Variants in LAMA2 observed in about 807,000 individuals in gnomAD.
LAMA2 encodes the protein laminin subunit alpha-2.
Under a neutral mutation model 364.8 loss-of-function variants are expected in LAMA2, and 269 were observed. That is an observed-to-expected ratio of 0.74 (90% CI 0.67 to 0.82). The LOEUF (loss-of-function observed/expected upper bound fraction) is 0.82. Among genes scored for constraint, LAMA2 ranks in the 40% least tolerant of loss-of-function variants. The pLI, the probability that LAMA2 is intolerant of heterozygous loss-of-function variation, is 0.00. For missense variants in LAMA2, 3,807 were observed against 3,873.2 expected, an observed-to-expected ratio of 0.98 and a Z score of 0.45; for synonymous variants, 1,379 against 1,370.6, an observed-to-expected ratio of 1.01 and a Z score of -0.14.
chr6:129,097,852 A>G (rs946684187), intron 3 of LAMA2, among the ~76,000 whole-genome samples: 6 of 152,222 alleles, frequency 3.9e-5, no homozygotes, highest in Non-Finnish European at 8.8e-5. Context: ...GTAAATTGGT[A>G]TGTACTATTA....
At chr6:129,194,800 A>G (rs575561977) in intron 12 of LAMA2, among the ~76,000 whole-genome samples, 25 of 152,220 alleles carry the variant, frequency 1.6e-4, no homozygotes, top group Non-Finnish European at 3.2e-4. Context: ...TTACCACAGT[A>G]CATCTTAACT....
rs757635528 is a variant in LAMA2 at position 129,143,941 on chromosome 6, A to G, written c.680A>G (p.Asp227Gly). 9.3e-6 allele frequency: 15 copies of G among 1,611,326 alleles called. No individual in the cohort carries two copies. In the East Asian group the frequency reaches 3.3e-4, roughly 36 times the overall value. ...SLINGRPSAD[D>G]PSPELLEFTS... is the part of the protein sequence containing the mutation. ...ATCAATGGGAGACCAAGTGCCGATG[A>G]TCCTTCTCCAGAACTGCTAGAATTT... The change falls in exon 5 of 65, where the codon GAT becomes GGT. Residue 227 changes from aspartate (D) to glycine (G), a missense_variant. Asp to Gly is a moderately conservative substitution (Grantham distance 94, BLOSUM62 -1). Transcript: ENST00000421865.
At position 129,486,568 on chromosome 6, in the gene LAMA2, C is replaced by CA; in HGVS notation, c.7844_7845insA (p.Asn2616GlufsTer5). The CA allele has an allele frequency of 6.2e-7, 1 of 1,613,928 alleles. No individual in the cohort carries two copies. Among genetic ancestry groups the CA allele is most frequent in the African/African-American group, 1.3e-5 (1 of 75,020 alleles). On this transcript the variant is annotated frameshift_variant, in exon 56 of 65. Transcript: ENST00000421865. LOFTEE classifies it high-confidence loss of function. ...AGGAAAATTGTGATCAGACCAGAGCCGAATCTGTTTCATGATGGAAGAGAA... is the reference window on the plus strand; with the variant it reads ...AGGAAAATTGTGATCAGACCAGAGCCAGAATCTGTTTCATGATGGAAGAGAA...
At chr6:129,376,802 A>G (rs991199559) in intron 34 of LAMA2, among the ~76,000 whole-genome samples, 3 of 152,084 alleles carry the variant, frequency 2.0e-5, no homozygotes, top group African/African-American at 7.2e-5. Context: ...ATCTTATACC[A>G]CTATTTTTCC....
chr6:128,896,851 C>T (rs1208863658), intron 1 of LAMA2, among the ~76,000 whole-genome samples: 1 of 152,088 alleles, frequency 6.6e-6, no homozygotes, highest in African/African-American at 2.4e-5. Context: ...ATCTGCTGAC[C>T]TCCTTTTTGA....
rs771891309 is a variant in LAMA2, at chr6:129,353,294, G to A, written c.4654G>A (p.Ala1552Thr). Reference sequence around the variant, plus strand: ...AGGATTCTGCACGTGCCGACCTGGAGCCACGGGAAGGAAGTGTGACGGCTG... The same window carrying A: ...AGGATTCTGCACGTGCCGACCTGGAACCACGGGAAGGAAGTGTGACGGCTG... ...VTGFCTCRPG[A>T]TGRKCDGCKH... Residue 1552 changes from alanine to threonine, a missense_variant, in exon 32 of 65, where the codon GCC becomes ACC. Ala to Thr is a moderately conservative substitution (Grantham distance 58). This residue lies in a region of LAMA2 where 3,333 missense variants were observed against 3,345.7 expected (regional missense o/e 1.00). Coordinates refer to ENST00000421865, the MANE Select transcript of LAMA2 (RefSeq NM_000426.4). The A allele has an allele frequency of 5.6e-6, 9 of 1,614,124 alleles. No homozygotes were observed. Among genetic ancestry groups the A allele is most frequent in the Non-Finnish European group, 7.6e-6 (9 of 1,179,992 alleles).
intron 20 of LAMA2, among the ~76,000 whole-genome samples, chr6:129,293,901 A>G (rs1789895148): frequency 6.6e-6 from 1 of 152,244 alleles, no homozygotes; most frequent in Non-Finnish European, 1.5e-5. Context: ...GCCTTAGATC[A>G]AATCCTGGCC....
intron 41 of LAMA2, among the ~76,000 whole-genome samples, chr6:129,431,305 A>T (rs1781579589): frequency 6.6e-6 from 1 of 150,500 alleles, no homozygotes; most frequent in African/African-American, 2.4e-5. Flanking sequence ...AGGCTGAGGT[A>T]GGAGAATTGC....
chr6:129,057,796 G>T (rs1313441730), intron 2 of LAMA2, among the ~76,000 whole-genome samples: 1 of 152,128 alleles, frequency 6.6e-6, no homozygotes, highest in Non-Finnish European at 1.5e-5. Context: ...GCAATATTAG[G>T]TAGGCAAATT....
intron 34 of LAMA2, among the ~76,000 whole-genome samples, chr6:129,382,914 C>A (rs1441696082): frequency 6.6e-6 from 1 of 152,192 alleles, no homozygotes; most frequent in Non-Finnish European, 1.5e-5. Flanking sequence ...CCAAATACAG[C>A]TCTCTGATTT....
intron 49 of LAMA2, 63 bp from the exon 50 acceptor site, chr6:129,464,227 G>A: frequency 1.5e-6 from 2 of 1,325,578 alleles, no homozygotes; most frequent in Non-Finnish European, 2.2e-6. Flanking sequence ...ATTCAGTGAT[G>A]CATTGAATAA....
At chr6:129,189,535 G>T (rs753695801) in intron 10 of LAMA2, among the ~76,000 whole-genome samples, 2 of 152,052 alleles carry the variant, frequency 1.3e-5, no homozygotes, top group Non-Finnish European at 2.9e-5. Context: ...AGCAGTCACA[G>T]AATGAGAATA....
chr6:129,477,066 T>C (rs1784102199), intron 53 of LAMA2, among the ~76,000 whole-genome samples: 1 of 152,136 alleles, frequency 6.6e-6, no homozygotes, highest in Non-Finnish European at 1.5e-5. Context: ...TCAACTACAA[T>C]ATATTGATGC....
At chr6:129,378,466 T>G (rs995835900) in intron 34 of LAMA2, among the ~76,000 whole-genome samples, 6 of 152,252 alleles carry the variant, frequency 3.9e-5, no homozygotes, top group African/African-American at 1.4e-4. Flanking sequence ...TGGGTATTTT[T>G]GACCAGGGTG....
chr6:129,039,986 T>A (rs1463341949), intron 1 of LAMA2, among the ~76,000 whole-genome samples: 1 of 152,174 alleles, frequency 6.6e-6, no homozygotes, highest in Non-Finnish European at 1.5e-5. Context: ...AAGGTTAGGA[T>A]ATCTGAATAT....
intron 1 of LAMA2, among the ~76,000 whole-genome samples, chr6:128,962,650 C>T (rs1781607271): frequency 6.6e-6 from 1 of 152,064 alleles, no homozygotes; most frequent in Admixed American, 6.6e-5. Context: ...CTTATGAAGA[C>T]AAAAAGGCCT....
intron 28 of LAMA2, among the ~76,000 whole-genome samples, chr6:129,323,251 T>A (rs927209398): frequency 5.9e-5 from 9 of 152,330 alleles, no homozygotes; most frequent in East Asian, 3.9e-4. Flanking sequence ...CAGTAACATA[T>A]GCTTTGGGTC....
At chr6:129,177,994 T>G in intron 10 of LAMA2, 128 bp downstream of exon 10, 1 of 957,454 alleles carries the variant, frequency 1.0e-6, no homozygotes, top group South Asian at 1.4e-5. Context: ...CTATTCTACG[T>G]GTGGTGACCC....
intron 53 of LAMA2, 124 bp downstream of exon 53, chr6:129,475,525 C>A: frequency 1.5e-6 from 1 of 676,366 alleles, no homozygotes. Context: ...GTATGTTTCA[C>A]GAGCAAGCCG....
Sources: allele counts gnomAD v4.1 joint callset (sites outside exome capture counted in the v4.1 genomes callset), GRCh38; gene constraint gnomAD v4.1.1; regional missense constraint gnomAD v4.1.1; transcripts MANE v1.5; gene names NCBI Gene and HGNC (gene_info 2026-07-23, HGNC 2026-07-21).